WDR49: variants seen among roughly 807,000 people sequenced by gnomAD.
The protein encoded by WDR49 is WD repeat domain 49.
In WDR49, 107 loss-of-function variants were observed where a neutral mutation model predicts 119.5. The ratio of observed to expected loss-of-function variants is 0.90; its 90% CI spans 0.77 to 1.05. WDR49 has a LOEUF of 1.05. WDR49 is among the 50% of genes least tolerant of loss of function. The probability of loss-of-function intolerance (pLI) is 0.00; values close to 1 mark genes in which losing one functional copy is unlikely to be tolerated. For missense variants in WDR49, 1,240 were observed against 1,220.5 expected (o/e 1.02, Z -0.24); for synonymous variants, 425 against 418.8 (o/e 1.01, Z -0.18).
intron 7 of WDR49, 133 bp downstream of exon 7, chr3:167,601,994 C>A (rs1030306821): frequency 8.4e-7 from 1 of 1,190,146 alleles, no homozygotes; most frequent in Non-Finnish European, 1.1e-6. Flanking sequence ...TATAGACTTC[C>A]AAAAACATAA....
upstream of WDR49, among the ~76,000 whole-genome samples, chr3:167,654,867 C>A (rs1490417508): frequency 6.6e-6 from 1 of 151,462 alleles, no homozygotes; most frequent in Non-Finnish European, 1.5e-5. Flanking sequence ...CCACTGCACT[C>A]CAGCCTGGGC....
intron 10 of WDR49, among the ~76,000 whole-genome samples, chr3:167,548,628 A>G (rs1249560455): frequency 1.3e-5 from 2 of 152,020 alleles, no homozygotes; most frequent in African/African-American, 4.8e-5. Flanking sequence ...TGATACCAGC[A>G]TCTTATCTTT....
intron 18 of WDR49, among the ~76,000 whole-genome samples, chr3:167,482,833 A>T (rs770151771): frequency 1.3e-5 from 2 of 152,212 alleles, no homozygotes; most frequent in Non-Finnish European, 2.9e-5. Context: ...CATGTGCCTG[A>T]CAATGTATAA....
intron 15 of WDR49, among the ~76,000 whole-genome samples, chr3:167,524,044 C>T (rs745362501): frequency 1.7e-4 from 26 of 152,170 alleles, no homozygotes; most frequent in Admixed American, 1.5e-3. Flanking sequence ...TTCTCCACAT[C>T]CTCACCAGCA....
chr3:167,566,998 C>G (rs987465510), intron 8 of WDR49: 12 of 509,632 alleles, frequency 2.4e-5, no homozygotes, highest in African/African-American at 2.0e-4. Flanking sequence ...GAGAGGTGGG[C>G]ACACTTGGTG....
At chr3:167,654,748 A>G (rs915004320), upstream of WDR49, among the ~76,000 whole-genome samples, 1 of 152,002 alleles carries the variant, frequency 6.6e-6, no homozygotes, top group Non-Finnish European at 1.5e-5. Context: ...ATACAAAAAT[A>G]ATCAGCCGAG....
At chr3:167,598,016 A>G (rs1434058775) in intron 7 of WDR49, among the ~76,000 whole-genome samples, 2 of 152,064 alleles carry the variant, frequency 1.3e-5, no homozygotes, top group African/African-American at 4.8e-5. Context: ...TTGAAATGTG[A>G]GAAGGTTGGG....
rs1753059669 is a variant in WDR49 at position 167,536,940 on chromosome 3, C to A, written c.1884G>T (p.Trp628Cys). 1 of 1,589,876 alleles carries A rather than the reference C, an allele frequency of 6.3e-7. No homozygotes were observed. ...FNQFFIQPEE[W>C]KGGIQHHDDI... ...CATCATGGTGCTGTATACCTCCTTT[C>A]CATTCTTCAGGCTGGATGAAAAATT... The change falls in exon 11 of 19, where the codon TGG (tryptophan) becomes TGT (cysteine). Residue 628 changes from tryptophan (W) to cysteine (C), a missense_variant. Transcript: ENST00000682715.
chr3:167,564,309 T>C (rs1232182644), intron 8 of WDR49, among the ~76,000 whole-genome samples: 1 of 152,180 alleles, frequency 6.6e-6, no homozygotes, highest in Non-Finnish European at 1.5e-5. Context: ...CCAACCAGTA[T>C]TAGCCAGAAT....
intron 18 of WDR49, among the ~76,000 whole-genome samples, chr3:167,492,938 GGATAA>G (rs142826396): frequency 4.4e-4 from 67 of 152,046 alleles, no homozygotes; most frequent in Middle Eastern, 6.8e-3. Flanking sequence ...ATGGAGAGGC[GGATAA>G]GATGAGACTA....
intron 7 of WDR49, among the ~76,000 whole-genome samples, chr3:167,581,141 T>C (rs1314270057): frequency 2.0e-5 from 3 of 152,186 alleles, no homozygotes; most frequent in Admixed American, 6.5e-5. Flanking sequence ...GATTTTATAT[T>C]AAGGCAAATA....
intron 8 of WDR49, among the ~76,000 whole-genome samples, chr3:167,564,445 G>A (rs1318682251): frequency 6.6e-6 from 1 of 152,298 alleles, no homozygotes; most frequent in Non-Finnish European, 1.5e-5. Flanking sequence ...TTCACTACAC[G>A]ACAATGGAAC....
upstream of WDR49, among the ~76,000 whole-genome samples, chr3:167,657,081 T>G (rs1417190600): frequency 6.6e-6 from 1 of 152,170 alleles, no homozygotes; most frequent in Non-Finnish European, 1.5e-5. Context: ...AAATCCCTGC[T>G]CTCTCCTTCC....
At chr3:167,510,629 A>G (rs1751936977) in intron 16 of WDR49, among the ~76,000 whole-genome samples, 1 of 152,172 alleles carries the variant, frequency 6.6e-6, no homozygotes, top group South Asian at 2.1e-4. Context: ...TACTTCTCAC[A>G]AATAGTATTA....
In WDR49 at chr3:167,479,004, A is replaced by T; in HGVS notation, c.3032-8T>A. On this transcript the variant is annotated splice_polypyrimidine_tract_variant and splice_region_variant and intron_variant, in intron 18 of 18. Transcript: ENST00000682715. ...CAAATACAGCTTTCAAAGCTACAAA[A>T]TGATGAGGAAAATCACAAGTGAATT... 1 of 1,555,790 alleles carries T rather than the reference A, an allele frequency of 6.4e-7. No individual in the cohort carries two copies. Among genetic ancestry groups the T allele is most frequent in the Non-Finnish European group, 8.8e-7 (1 of 1,140,052 alleles).
chr3:167,598,106 A>AC lies in WDR49; in HGVS notation c.1275+4020dup, dbSNP rs781251093. Among the ~76,000 whole-genome samples the AC allele has an allele frequency of 2.0e-5, 3 of 152,202 alleles. No individual in the cohort carries two copies. The East Asian group carries it at 5.8e-4, about 29-fold the overall frequency. On this transcript the variant is annotated intron_variant, in intron 7 of 18. Transcript: ENST00000682715. ...CAGATCACGAGGACAGGAGATCGAG[A>AC]CCATCTTGGCTAACATGGTGAACCC...
At chr3:167,532,164 T>C (rs940771235) in intron 12 of WDR49, among the ~76,000 whole-genome samples, 2 of 152,158 alleles carry the variant, frequency 1.3e-5, no homozygotes, top group African/African-American at 4.8e-5. Context: ...AAAAGAAAAC[T>C]GCATCTGATG....
At chr3:167,619,109 A>G (rs1716739716) in intron 5 of WDR49, among the ~76,000 whole-genome samples, 1 of 152,162 alleles carries the variant, frequency 6.6e-6, no homozygotes, top group Admixed American at 6.5e-5. Context: ...ATTTACTCAT[A>G]TTATTTAAAG....
chr3:167,509,844 G>T (rs1751898256), intron 16 of WDR49, among the ~76,000 whole-genome samples: 1 of 152,146 alleles, frequency 6.6e-6, no homozygotes, highest in South Asian at 2.1e-4. Context: ...TATAAATGTT[G>T]TTGTCCATGG....
Sources: allele counts gnomAD v4.1 joint callset (sites outside exome capture counted in the v4.1 genomes callset), GRCh38; gene constraint gnomAD v4.1.1; transcripts MANE v1.5; gene names NCBI Gene and HGNC (gene_info 2026-07-23, HGNC 2026-07-21).